Variants in PKP4 observed in about 807,000 individuals in gnomAD.
The protein encoded by PKP4 is plakophilin 4, also known as plakophilin-4.
In PKP4, 90 loss-of-function variants were observed where a neutral mutation model predicts 145.1. The ratio of observed to expected loss-of-function variants is 0.62; its 90% confidence interval spans 0.52 to 0.74. The LOEUF (loss-of-function observed/expected upper bound fraction) is 0.74. Among genes scored for constraint, PKP4 ranks in the 30% least tolerant of loss-of-function variants. The pLI is 0.00. For missense variants in PKP4, 1,340 were observed against 1,482.7 expected (o/e 0.90, Z 1.58); for synonymous variants, 563 against 577.2 (o/e 0.98, Z 0.35).
At chr2:158,583,585 C>A (rs1173205999) in intron 3 of PKP4, among the ~76,000 whole-genome samples, 1 of 152,114 alleles carries the variant, frequency 6.6e-6, no homozygotes, top group African/African-American at 2.4e-5. Context: ...GTTTTACAAT[C>A]CTTTACTAGC....
chr2:158,462,384 AAAAG>A (rs888282174), intron 1 of PKP4, among the ~76,000 whole-genome samples: 11 of 151,286 alleles, frequency 7.3e-5, no homozygotes, highest in African/African-American at 2.7e-4. Flanking sequence ...TAAGAAAAAA[AAAAG>A]AACAAAAAAC....
At chr2:158,643,018 T>C (rs1375469389) in intron 11 of PKP4, among the ~76,000 whole-genome samples, 2 of 152,362 alleles carry the variant, frequency 1.3e-5, no homozygotes, top group East Asian at 3.9e-4. Context: ...TTAAATAGAC[T>C]ATCCTATATT....
chr2:158,557,673 A>G (rs1415489082), intron 2 of PKP4, among the ~76,000 whole-genome samples: 1 of 152,164 alleles, frequency 6.6e-6, no homozygotes, highest in Non-Finnish European at 1.5e-5. Flanking sequence ...CTTTGTTTTT[A>G]TTGTAATGCT....
chr2:158,599,595 ACTTTGT>A (rs1466714461), intron 3 of PKP4, among the ~76,000 whole-genome samples: 3 of 152,206 alleles, frequency 2.0e-5, no homozygotes, highest in African/African-American at 7.2e-5. Flanking sequence ...TCAGAGGGCT[ACTTTGT>A]CTTTGTTAGT....
intron 1 of PKP4, among the ~76,000 whole-genome samples, chr2:158,510,357 T>C (rs1013795884): frequency 1.3e-5 from 2 of 152,182 alleles, no homozygotes; most frequent in Non-Finnish European, 2.9e-5. Context: ...TTAGACATCA[T>C]AGAAAATACA....
At chr2:158,491,381 A>G (rs1694913990) in intron 1 of PKP4, among the ~76,000 whole-genome samples, 1 of 152,162 alleles carries the variant, frequency 6.6e-6, no homozygotes, top group African/African-American at 2.4e-5. Context: ...TCCACAACCC[A>G]ACACTTAGCG....
At chr2:158,565,700 T>C (rs2046916838) in intron 2 of PKP4, among the ~76,000 whole-genome samples, 1 of 152,140 alleles carries the variant, frequency 6.6e-6, no homozygotes, top group Non-Finnish European at 1.5e-5. Flanking sequence ...GGCTTTATTC[T>C]GGATGTGTAT....
chr2:158,511,230 A>G (rs1173889629), intron 1 of PKP4, among the ~76,000 whole-genome samples: 1 of 152,144 alleles, frequency 6.6e-6, no homozygotes, highest in Admixed American at 6.5e-5. Flanking sequence ...TACTAAAACT[A>G]CAAAAATTAG....
At position 158,585,971 on chromosome 2, in the gene PKP4, T is replaced by C. The variant is rs189229140; in HGVS notation, c.245+8588T>C. On this transcript the variant is annotated intron_variant, in intron 3 of 21. Transcript: ENST00000389759. ...GAGAACCACACTAATCTACACTCTGTATCTATGGATTTGCCTATTCTCAAC... is the reference window on the plus strand; with the variant it reads ...GAGAACCACACTAATCTACACTCTGCATCTATGGATTTGCCTATTCTCAAC... 1.3e-3 allele frequency among the ~76,000 whole-genome samples: 195 copies of C among 152,054 alleles called. 1 individual carries two copies. Among genetic ancestry groups the C allele is most frequent in the African/African-American group, 4.5e-3 (187 of 41,518 alleles).
chr2:158,516,485 T>G (rs2041948362), intron 1 of PKP4, among the ~76,000 whole-genome samples: 1 of 152,130 alleles, frequency 6.6e-6, no homozygotes, highest in Non-Finnish European at 1.5e-5. Context: ...TAATGTATAA[T>G]TTAAATAGAA....
intron 20 of PKP4, among the ~76,000 whole-genome samples, chr2:158,678,225 C>A (rs2058183440): frequency 6.6e-6 from 1 of 152,292 alleles, no homozygotes; most frequent in Non-Finnish European, 1.5e-5. Flanking sequence ...AGGAGTGTTC[C>A]TCAGCTCAGG....
chr2:158,587,280 ATTTAATCATCT>A (rs2048882187), intron 3 of PKP4, among the ~76,000 whole-genome samples: 1 of 152,120 alleles, frequency 6.6e-6, no homozygotes, highest in African/African-American at 2.4e-5. Flanking sequence ...TCATGCCATT[ATTTAATCATCT>A]TTTAAAGAAC....
chr2:158,471,630 C>T (rs1166394515), intron 1 of PKP4, among the ~76,000 whole-genome samples: 2 of 152,196 alleles, frequency 1.3e-5, no homozygotes, highest in Non-Finnish European at 2.9e-5. Context: ...GTTGATTTGA[C>T]ATAAGCAGTA....
At chr2:158,482,262 C>CTA (rs1239836238) in intron 1 of PKP4, among the ~76,000 whole-genome samples, 1 of 152,138 alleles carries the variant, frequency 6.6e-6, no homozygotes. Context: ...GCTAGATGTG[C>CTA]TATATCCTGA....
At chr2:158,459,789 T>TCA (rs3047993) in intron 1 of PKP4, among the ~76,000 whole-genome samples, 64,126 of 148,674 alleles carry the variant, frequency 0.43, 14,677 homozygotes, top group East Asian at 0.68. Context: ...GATGTATGGA[T>TCA]CACACACACA....
chr2:158,565,163 A>G (rs897067809), intron 2 of PKP4, among the ~76,000 whole-genome samples: 2 of 152,192 alleles, frequency 1.3e-5, no homozygotes, highest in East Asian at 1.9e-4. Context: ...TAGAGAAAAT[A>G]TAAATAGAGT....
intron 1 of PKP4, among the ~76,000 whole-genome samples, chr2:158,497,762 G>A (rs1267862718): frequency 1.3e-5 from 2 of 152,246 alleles, no homozygotes; most frequent in African/African-American, 2.4e-5. Flanking sequence ...ATGAGTCATA[G>A]TATTCAATAG....
chr2:158,536,309 T>C (rs983651816), intron 2 of PKP4, among the ~76,000 whole-genome samples: 4 of 152,206 alleles, frequency 2.6e-5, no homozygotes, highest in Non-Finnish European at 5.9e-5. Flanking sequence ...AAAGAGCATA[T>C]AAAAATAAGT....
chr2:158,648,570 T>G (rs2055043653), intron 11 of PKP4, among the ~76,000 whole-genome samples: 1 of 152,204 alleles, frequency 6.6e-6, no homozygotes, highest in East Asian at 1.9e-4. Flanking sequence ...TATGCTCTGG[T>G]CCAGAGAGGA....
Sources: allele counts gnomAD v4.1 joint callset (sites outside exome capture counted in the v4.1 genomes callset), GRCh38; gene constraint gnomAD v4.1.1; transcripts MANE v1.5; gene names NCBI Gene and HGNC (gene_info 2026-07-23, HGNC 2026-07-21).